Variants in SUN2 observed in about 807,000 individuals in gnomAD.
The protein encoded by SUN2 is Sad1 and UNC84 domain containing 2.
SUN2 carries 60 observed loss-of-function variants against 100.0 expected under a neutral mutation model. The observed-to-expected ratio is 0.60, with a 90% CI of 0.49 to 0.74. The LOEUF (loss-of-function observed/expected upper bound fraction) is 0.74, where lower values mean the gene tolerates loss of function less well. Among genes scored for constraint, SUN2 ranks in the 30% least tolerant of loss-of-function variants. The pLI, the probability that SUN2 is intolerant of heterozygous loss-of-function variation, is 0.00. For synonymous variants in SUN2, 367 were observed against 403.3 expected, an observed-to-expected ratio of 0.91 and a Z score of 1.08; for missense variants, 834 against 954.6, an observed-to-expected ratio of 0.87 and a Z score of 1.66.
Position 38,735,315 on chromosome 22 carries a change from G to T in SUN2, c.*952C>A. The T allele has an allele frequency of 2.2e-6, 1 of 444,980 alleles. No individual in the cohort carries two copies. The highest frequency in any genetic ancestry group is 4.5e-6 in the Non-Finnish European group (1 of 223,096). 27.6% of individuals were successfully genotyped at this position (444,980 alleles called of 1,614,324 possible). A position where few individuals can be genotyped will look rare whatever the true frequency, so the allele number is the denominator to read the frequency against. ...CGACCCCTACATCAGGGCCTGGTTA[G>T]ATGTGGGGGCCGGTGCAGACAGACC... On this transcript the variant is annotated 3_prime_UTR_variant, in exon 18 of 18. Coordinates refer to ENST00000689035, the MANE Select transcript of SUN2 (RefSeq NM_015374.3).
At chr22:38,742,667 G>T (rs988039027) in intron 8 of SUN2, 112 bp from the exon 9 acceptor site, 2 of 1,400,192 alleles carry the variant, frequency 1.4e-6, no homozygotes, top group Non-Finnish European at 1.9e-6. Context: ...TTCCAGAGAC[G>T]TTCCAGCATA....
Position 38,742,290 on chromosome 22 carries a change from C to G in SUN2, c.1068+11G>C, listed in dbSNP as rs1248834502. On this transcript the variant is annotated intron_variant, in intron 9 of 17. Transcript: ENST00000689035. Reference sequence around the variant, plus strand: ...CACCCACCTCCCACCCTGAGGTATTCCACCTCCTACCTGGATGCGAGCAGC... The same window carrying G: ...CACCCACCTCCCACCCTGAGGTATTGCACCTCCTACCTGGATGCGAGCAGC... 6.3e-7 allele frequency: 1 copy of G among 1,586,512 alleles called. No homozygotes were observed. The highest frequency in any genetic ancestry group is 1.1e-5 in the South Asian group (1 of 88,862).
chr22:38,751,286 G>A lies in SUN2; in HGVS notation c.210C>T (p.Tyr70=). ...AGGACTCGTGGACCAGCGACTCACT[G>A]TAGTAGGAGGTGTGTGCATCAGAGG... ...GPSSDAHTSY[Y]SESLVHESWF... is the part of the protein sequence containing the mutation. The change falls in exon 3 of 18, where the codon TAC becomes TAT. Residue 70 remains tyrosine, a synonymous_variant. Transcript: ENST00000689035. 1 of 1,614,186 alleles carries A rather than the reference G, an allele frequency of 6.2e-7. No individual in the cohort carries two copies. Among genetic ancestry groups the A allele is most frequent in the Non-Finnish European group, 8.5e-7 (1 of 1,180,030 alleles).
At position 38,739,450 on chromosome 22, in the gene SUN2, G is replaced by A. The variant is rs1310101260; in HGVS notation, c.1579-24C>T. On this transcript the variant is annotated intron_variant, in intron 13 of 17. Coordinates refer to ENST00000689035, the MANE Select transcript of SUN2 (RefSeq NM_015374.3). This position sits in a 1 kb window ranked among gnomAD's most constrained non-coding sequence, Gnocchi z 6.7. ...TGCTGCAATGCAGGCACCAGGAGAC[G>A]GTTGCAGCAGGGAGCAGACGTGTCC... is the stretch of plus-strand genomic sequence containing the variant. 2 of 1,611,554 alleles carry A rather than the reference G, an allele frequency of 1.2e-6. No homozygotes were observed. Among genetic ancestry groups the A allele is most frequent in the Admixed American group, 1.7e-5 (1 of 59,996 alleles).
rs760261407 is a variant in SUN2 at position 38,738,275 on chromosome 22, G to A, written c.1948-10C>T. 4.3e-6 allele frequency: 7 copies of A among 1,611,346 alleles called. No homozygotes were observed. The highest frequency in any genetic ancestry group is 2.7e-5 in the African/African-American group (2 of 74,864). On this transcript the variant is annotated splice_polypyrimidine_tract_variant and intron_variant, in intron 16 of 17. Transcript: ENST00000689035. The surrounding 1 kb of genome is among the most constrained non-coding windows in gnomAD (Gnocchi z 6.6). ...GGTCTTCGTCAAACCCCTGCAAAGA[G>A]AGCGGAGGGAAGTGGGGAGGGGCTG... is the stretch of plus-strand genomic sequence containing the variant.
intron 6 of SUN2, 83 bp downstream of exon 6, chr22:38,749,683 C>A: frequency 2.3e-6 from 3 of 1,281,014 alleles, no homozygotes; most frequent in Admixed American, 4.1e-5. Context: ...CTCAGAGAAT[C>A]GACCATTACA....
chr22:38,745,736 C>T lies in SUN2; in HGVS notation c.761G>A (p.Ser254Asn). The change falls in exon 8 of 18, where the codon AGC (serine) becomes AAC (asparagine). Residue 254 changes from serine to asparagine, a missense_variant. Ser to Asn is a conservative substitution (Grantham distance 46). This residue lies in a region of SUN2 where 559 missense variants were observed against 597.7 expected (regional missense o/e 0.94). Transcript: ENST00000689035. ...TTCCCAGCCCTCATCCGGCCTCCTG[C>T]TGTCCTTCGCTGCCCACCAGGAAAC... Reference protein sequence around the residue: ...ALVSWWAAKDSRRPDEGWEAR... With the variant: ...ALVSWWAAKDNRRPDEGWEAR... 6.2e-7 allele frequency: 1 copy of T among 1,614,056 alleles called. No individual in the cohort carries two copies. The highest frequency in any genetic ancestry group is 8.5e-7 in the Non-Finnish European group (1 of 1,180,026).
intron 10 of SUN2, 123 bp from the exon 11 acceptor site, chr22:38,741,173 C>T (rs1164988729): frequency 9.0e-7 from 1 of 1,115,386 alleles, no homozygotes; most frequent in Non-Finnish European, 1.3e-6. Context: ...CTCTTGACCC[C>T]TGCAGCAAAA....
At chr22:38,749,675 CA>C (rs1490019614) in intron 6 of SUN2, 90 bp downstream of exon 6, 5 of 1,230,740 alleles carry the variant, frequency 4.1e-6, no homozygotes, top group Non-Finnish European at 1.2e-6. Flanking sequence ...GGAAAACCCT[CA>C]GAGAATCGAC....
chr22:38,740,565 A>C lies in SUN2; in HGVS notation c.1191-133T>G. 3.1e-6 allele frequency: 3 copies of C among 978,270 alleles called. No homozygotes were observed. Among genetic ancestry groups the C allele is most frequent in the Non-Finnish European group, 4.3e-6 (3 of 693,996 alleles). 60.6% of individuals were successfully genotyped at this position (978,270 alleles called of 1,614,324 possible). A position where few individuals can be genotyped will look rare whatever the true frequency, so the allele number is the denominator to read the frequency against. On this transcript the variant is annotated intron_variant, in intron 11 of 17. Transcript: ENST00000689035. This position sits in a 1 kb window ranked among gnomAD's most constrained non-coding sequence, Gnocchi z 4.8. ...GCCCAGCACTCATTGTGAACCTGAG[A>C]AGGGGCAAGGCCTCTCCTGGGGGTT...
At position 38,755,012 on chromosome 22, in the gene SUN2, G is replaced by T; in HGVS notation, c.-38+751C>A. The T allele has an allele frequency of 8.6e-7, 1 of 1,162,826 alleles. No homozygotes were observed. The highest frequency in any genetic ancestry group is 1.3e-5 in the South Asian group (1 of 76,792). The allele number at this position is 1,162,826 out of a possible 1,614,324, so 72.0% of individuals were successfully genotyped here. A position where few individuals can be genotyped will look rare whatever the true frequency, so the allele number is the denominator to read the frequency against. ...GCGAATCATAATAGACACCACCCCC[G>T]CCCCACCTCCTCCCTAACAATCAGT... is the stretch of plus-strand genomic sequence containing the variant. On this transcript the variant is annotated intron_variant, in intron 1 of 17. Transcript: ENST00000689035. The surrounding 1 kb of genome is among the most constrained non-coding windows in gnomAD (Gnocchi z 5.7).
chr22:38,742,169 G>T, intron 9 of SUN2, 132 bp downstream of exon 9: 2 of 1,143,300 alleles, frequency 1.7e-6, no homozygotes, highest in Non-Finnish European at 2.4e-6. Flanking sequence ...AAGAAAAAAA[G>T]AGAAAGGGAG....
Position 38,737,384 on chromosome 22 carries a change from C to G in SUN2, c.2040+789G>C, listed in dbSNP as rs1347616820. On this transcript the variant is annotated intron_variant, in intron 17 of 17. Coordinates refer to ENST00000689035, the MANE Select transcript of SUN2 (RefSeq NM_015374.3). This position sits in a 1 kb window ranked among gnomAD's most constrained non-coding sequence, Gnocchi z 4.1. ...CCTCCCTGCTACGTCTTTGTCCTCA[C>G]TCCCAACGCCCCTCTCCCCCACCTA... is the stretch of plus-strand genomic sequence containing the variant. Among the ~76,000 whole-genome samples, 1 of 152,142 alleles carries G rather than the reference C, an allele frequency of 6.6e-6. No homozygotes were observed. Among genetic ancestry groups the G allele is most frequent in the Non-Finnish European group, 1.5e-5 (1 of 68,022 alleles).
Position 38,740,125 on chromosome 22 carries a change from C to T in SUN2, c.1356+142G>A. ...GGAAGAACGCCTGTCAGTGAGAGCC[C>T]ACATGTGTCAAGGCCAACGCCACAG... is the stretch of plus-strand genomic sequence containing the variant. On this transcript the variant is annotated intron_variant, in intron 12 of 17. Transcript: ENST00000689035. This position sits in a 1 kb window ranked among gnomAD's most constrained non-coding sequence, Gnocchi z 4.8. The T allele has an allele frequency of 7.9e-7, 1 of 1,266,408 alleles. No individual in the cohort carries two copies. The highest frequency in any genetic ancestry group is 1.1e-6 in the Non-Finnish European group (1 of 941,426). The allele number at this position is 1,266,408 out of a possible 1,614,324, so 78.4% of individuals were successfully genotyped here.
intron 8 of SUN2, among the ~76,000 whole-genome samples, chr22:38,745,461 T>A (rs1165576086): frequency 6.6e-6 from 1 of 152,228 alleles, no homozygotes; most frequent in Non-Finnish European, 1.5e-5. Context: ...TCATAGAAGG[T>A]GCCCAGTAAA....
Position 38,752,490 on chromosome 22 carries a change from C to T in SUN2, c.122+17G>A, listed in dbSNP as rs1485101323. 1.3e-5 allele frequency: 20 copies of T among 1,592,998 alleles called. No individual in the cohort carries two copies. The highest frequency in any genetic ancestry group is 1.3e-5 in the Non-Finnish European group (15 of 1,163,718). On this transcript the variant is annotated intron_variant, in intron 2 of 17. Transcript: ENST00000689035. ...TGTGGGGCTGTCAGGGGCCGTGGCACTCCCTTGGGTCCCTACCTGAGAGGA... is the reference window on the plus strand; with the variant it reads ...TGTGGGGCTGTCAGGGGCCGTGGCATTCCCTTGGGTCCCTACCTGAGAGGA...
In SUN2 at chr22:38,735,769, T is replaced by A; in HGVS notation, c.*498A>T. On this transcript the variant is annotated 3_prime_UTR_variant, in exon 18 of 18. Transcript: ENST00000689035. ...TAACCTTGTAGGAGAGCTGGGCAGCTCTCCATCAAGTGCTTCCTGCCTGGG... is the reference window on the plus strand; with the variant it reads ...TAACCTTGTAGGAGAGCTGGGCAGCACTCCATCAAGTGCTTCCTGCCTGGG... 6.2e-6 allele frequency: 1 copy of A among 160,114 alleles called. No homozygotes were observed. Among genetic ancestry groups the A allele is most frequent in the Admixed American group, 6.2e-5 (1 of 16,132 alleles). The allele number at this position is 160,114 out of a possible 1,614,324, so 9.9% of individuals were successfully genotyped here.
chr22:38,740,278 C>G lies in SUN2; in HGVS notation c.1345G>C (p.Val449Leu), dbSNP rs117350165. The change falls in exon 12 of 18, where the codon GTG becomes CTG. Residue 449 changes from valine (V) to leucine (L), a missense_variant. By Grantham distance (32) the Val-to-Leu change is conservative (BLOSUM62 1). Coordinates refer to ENST00000689035, the MANE Select transcript of SUN2 (RefSeq NM_015374.3). The surrounding 1 kb of genome is among the most constrained non-coding windows in gnomAD (Gnocchi z 4.8). ...TGGTTCCCACTCACGTCGTCCCGCA[C>G]GGCCTGGATCTGCTGGGGCAGCAGG... is the stretch of plus-strand genomic sequence containing the variant. ...VGLLPQQIQA[V>L]RDDVESQFPA... 1.8e-4 allele frequency: 284 copies of G among 1,592,850 alleles called. No homozygotes were observed. Among genetic ancestry groups the G allele is most frequent in the Non-Finnish European group, 2.4e-4 (275 of 1,169,380 alleles).
At chr22:38,747,516 ACT>A (rs1226162144) in intron 7 of SUN2, among the ~76,000 whole-genome samples, 1 of 152,198 alleles carries the variant, frequency 6.6e-6, no homozygotes, top group Admixed American at 6.5e-5. Flanking sequence ...TATAAAACAA[ACT>A]CTCAAAAAAT....
Sources: gnomAD v4.1 joint callset for allele counts (sites outside exome capture counted in the v4.1 genomes callset) on GRCh38, gnomAD v4.1.1 for gene constraint, gnomAD v4.1.1 regional missense constraint, Gnocchi (gnomAD v3.1) non-coding constraint, MANE v1.5 for transcripts, NCBI Gene and HGNC (gene_info 2026-07-23, HGNC 2026-07-21) for gene names.